Variants in CFAP47 observed in about 807,000 individuals in gnomAD.
The protein encoded by CFAP47 is cilia- and flagella-associated protein 47.
A neutral mutation model predicts 148.1 loss-of-function variants in CFAP47; 29 were observed. That is an observed-to-expected ratio of 0.20 (90% CI 0.15 to 0.27). The LOEUF (loss-of-function observed/expected upper bound fraction) is 0.27, where lower values mean the gene tolerates loss of function less well. Ranked by LOEUF, CFAP47 falls within the 10% of genes least tolerant of loss-of-function variation. CFAP47 has a pLI of 1.00. For synonymous variants in CFAP47, 664 were observed against 577.3 expected (o/e 1.15, Z -2.15); for missense variants, 1,872 against 1,697.5 (o/e 1.10, Z -1.81).
chrX:36,083,833 G>A (rs1333865800), intron 29 of CFAP47, among the ~76,000 whole-genome samples: 1 of 110,652 alleles, frequency 9.0e-6, no homozygotes, highest in Non-Finnish European at 1.9e-5. Context: ...CAACTATGGA[G>A]TTATTAAACA....
chrX:36,309,759 T>C (rs1414425686), intron 55 of CFAP47, among the ~76,000 whole-genome samples: 2 of 111,491 alleles, frequency 1.8e-5, no homozygotes, highest in African/African-American at 6.5e-5. Flanking sequence ...TAGTAAATAA[T>C]TTACTTAAAC....
chrX:36,345,398 C>CT (rs1941689045), intron 57 of CFAP47, among the ~76,000 whole-genome samples: 1 of 110,840 alleles, frequency 9.0e-6, no homozygotes, highest in Non-Finnish European at 1.9e-5. Flanking sequence ...TTCTCATAAG[C>CT]AGCCTGCAAC....
intron 39 of CFAP47, among the ~76,000 whole-genome samples, chrX:36,173,564 A>C (rs757500306): frequency 8.9e-6 from 1 of 111,800 alleles, no homozygotes; most frequent in African/African-American, 3.3e-5. Context: ...TGTACTCAGT[A>C]GTCATTCAGG....
At chrX:36,029,607 G>A (rs1387060245) in intron 22 of CFAP47, among the ~76,000 whole-genome samples, 1 of 110,162 alleles carries the variant, frequency 9.1e-6, no homozygotes, top group Non-Finnish European at 1.9e-5. Context: ...CTTTCAAATG[G>A]GGAACTCATG....
chrX:35,925,102 G>A lies in CFAP47; in HGVS notation c.250-915G>A, dbSNP rs1206492675. Reference sequence around the variant, plus strand: ...ATAAAGTATTGTATGGCTGGGTGCCGTGGCTCACGCCTGTAATCCCAGCAC... The same window carrying A: ...ATAAAGTATTGTATGGCTGGGTGCCATGGCTCACGCCTGTAATCCCAGCAC... On this transcript the variant is annotated intron_variant, in intron 1 of 63. Transcript: ENST00000378653. 2.7e-5 allele frequency among the ~76,000 whole-genome samples: 3 copies of A among 111,748 alleles called. No homozygotes were observed. In the East Asian group the frequency reaches 8.5e-4, roughly 32 times the overall value.
intron 1 of CFAP47, among the ~76,000 whole-genome samples, chrX:35,924,549 GTGTATATA>G (rs772617329): frequency 0.013 from 1,366 of 102,595 alleles, 28 homozygotes; most frequent in African/African-American, 0.049. Flanking sequence ...GCACCTATAT[GTGTATATA>G]TGCGCATATA....
chrX:35,973,452 G>C (rs1380717035), intron 13 of CFAP47, among the ~76,000 whole-genome samples: 2 of 111,999 alleles, frequency 1.8e-5, no homozygotes, highest in African/African-American at 6.5e-5. Context: ...GCCTCCCAAA[G>C]TGCTGGGATT....
chrX:36,080,023 A>G (rs1937943223), intron 29 of CFAP47, among the ~76,000 whole-genome samples: 1 of 111,619 alleles, frequency 9.0e-6, no homozygotes, highest in Non-Finnish European at 1.9e-5. Context: ...TTTTTGCAGT[A>G]TACCCATCTG....
intron 49 of CFAP47, among the ~76,000 whole-genome samples, chrX:36,259,707 T>G (rs1288699765): frequency 9.0e-6 from 1 of 111,388 alleles, no homozygotes; most frequent in Non-Finnish European, 1.9e-5. Flanking sequence ...ATTTTTTTTT[T>G]GCCTTTTCTA....
At position 36,176,057 on chromosome X, in the gene CFAP47, G is replaced by A. The variant is rs368362552; in HGVS notation, c.6027-3288G>A. 3.0e-3 allele frequency among the ~76,000 whole-genome samples: 337 copies of A among 112,445 alleles called. 1 individual carries two copies. The highest frequency in any genetic ancestry group is 0.01 in the African/African-American group (322 of 30,960). ...CGCAGTATTCAGGTGGGAGTGACCC[G>A]ATTTTCCAGGTGCCGTCTGTCACCC... On this transcript the variant is annotated intron_variant, in intron 39 of 63. Coordinates refer to ENST00000378653, the MANE Select transcript of CFAP47 (RefSeq NM_001304548.2).
rs775215923 is a variant in CFAP47, at chrX:36,099,876, C to T, written c.5124C>T (p.Tyr1708=). 1.0e-6 allele frequency: 1 copy of T among 961,728 alleles called. No individual in the cohort carries two copies. The highest frequency in any genetic ancestry group is 1.5e-6 in the Non-Finnish European group (1 of 678,118). The allele number at this position is 961,728 out of a possible 1,213,427, so 79.3% of individuals were successfully genotyped here. A position where few individuals can be genotyped will look rare whatever the true frequency, so the allele number is the denominator to read the frequency against. The change falls in exon 32 of 64, where the codon TAC becomes TAT. Residue 1708 remains tyrosine (Y), a synonymous_variant. Transcript: ENST00000378653. The part of the protein sequence containing the change: ...RAWTDVFLQI[Y]KVLVLSRVVP... ...GGACAGATGTATTTCTACAGATATA[C>T]AAGGTAACATTTCCATTATTGTTCG...
chrX:36,170,722 G>C (rs1342794150), intron 39 of CFAP47, among the ~76,000 whole-genome samples: 4 of 107,399 alleles, frequency 3.7e-5, no homozygotes, highest in Non-Finnish European at 7.7e-5. Context: ...TTGGTTCCAA[G>C]TCTTTGCTAT....
At position 36,055,360 on chromosome X, in the gene CFAP47, G is replaced by GCATGTGTCCATGTGTC. The variant is rs1414199268; in HGVS notation, c.4217+8312_4217+8313insCCATGTGTCCATGTGT. 1.1e-4 allele frequency among the ~76,000 whole-genome samples: 12 copies of GCATGTGTCCATGTGTC among 110,342 alleles called. No homozygotes were observed. The Admixed American group carries it at 1.2e-3, about 11-fold the overall frequency. On this transcript the variant is annotated intron_variant, in intron 26 of 63. Coordinates refer to ENST00000378653, the MANE Select transcript of CFAP47 (RefSeq NM_001304548.2). ...AGGCCCCAGTGTGTGTTGTTCCCTA[G>GCATGTGTCCATGTGTC]CATGTGTCCATGTGTTCCCATCATT...
At chrX:36,033,013 G>T (rs1167837357) in intron 23 of CFAP47, among the ~76,000 whole-genome samples, 2 of 111,750 alleles carry the variant, frequency 1.8e-5, no homozygotes, top group East Asian at 5.6e-4. Context: ...AAAAGGCAAT[G>T]AAATGGGCTC....
chrX:36,263,719 G>A (rs1940856542), intron 49 of CFAP47, among the ~76,000 whole-genome samples: 3 of 111,641 alleles, frequency 2.7e-5, no homozygotes, highest in South Asian at 3.8e-4. Flanking sequence ...GTCCAGAAAC[G>A]TCATCCAATA....
chrX:35,946,568 T>C (rs1569210305), intron 3 of CFAP47, among the ~76,000 whole-genome samples: 1 of 112,420 alleles, frequency 8.9e-6, no homozygotes, highest in Non-Finnish European at 1.9e-5. Context: ...TCAAATATTA[T>C]GCTGTTAGCA....
chrX:36,303,894 C>T lies in CFAP47; in HGVS notation c.8016C>T (p.Thr2672=). The T allele has an allele frequency of 8.7e-7, 1 of 1,147,856 alleles. No homozygotes were observed. The highest frequency in any genetic ancestry group is 1.2e-6 in the Non-Finnish European group (1 of 859,980). The allele number at this position is 1,147,856 out of a possible 1,213,427, so 94.6% of individuals were successfully genotyped here. ...IIPLVNCTHE[T]LKLQVTNSNP... ...CTTTAGTTAATTGTACGCATGAAAC[C>T]TTAAAATTGCAAGTAACAAACAGTA... Residue 2672 remains threonine (T), a synonymous_variant, in exon 54 of 64, where the codon ACC becomes ACT. Coordinates refer to ENST00000378653, the MANE Select transcript of CFAP47 (RefSeq NM_001304548.2).
intron 48 of CFAP47, among the ~76,000 whole-genome samples, chrX:36,249,757 C>G (rs1028106307): frequency 9.0e-5 from 10 of 110,940 alleles, no homozygotes; most frequent in Non-Finnish European, 1.9e-4. Context: ...CCGAAATACT[C>G]TCAACAAAAT....
intron 62 of CFAP47, among the ~76,000 whole-genome samples, chrX:36,371,787 T>C (rs192967539): frequency 1.9e-5 from 1 of 53,744 alleles, no homozygotes; most frequent in African/African-American, 2.3e-4. Flanking sequence ...TGTGTATATA[T>C]GTGTGTATAT....
Sources: allele counts gnomAD v4.1 joint callset (sites outside exome capture counted in the v4.1 genomes callset), GRCh38; gene constraint gnomAD v4.1.1; transcripts MANE v1.5; gene names NCBI Gene and HGNC (gene_info 2026-07-23, HGNC 2026-07-21).